Variants in CRACDL observed in about 807,000 individuals in gnomAD.
CRACDL encodes the protein CRACD-like protein.
A neutral mutation model predicts 70.6 loss-of-function variants in CRACDL; 26 were observed. The ratio of observed to expected loss-of-function variants is 0.37; its 90% CI spans 0.27 to 0.51. The LOEUF is 0.51. Ranked by LOEUF, CRACDL falls within the 20% of genes least tolerant of loss-of-function variation. The pLI, the probability that CRACDL is intolerant of heterozygous loss-of-function variation, is 0.94. For missense variants in CRACDL, 1,283 were observed against 1,376.9 expected, an observed-to-expected ratio of 0.93 and a Z score of 1.08; for synonymous variants, 618 against 615.2, an observed-to-expected ratio of 1.00 and a Z score of -0.07.
chr2:98,832,616 G>A (rs1359609535), intron 4 of CRACDL, 104 bp from the exon 5 acceptor site: 2 of 1,170,280 alleles, frequency 1.7e-6, no homozygotes, highest in Non-Finnish European at 2.5e-6. Context: ...TCAGTATCTT[G>A]GTGTGGTGCA....
chr2:98,849,700 C>G (rs1706404571), intron 1 of CRACDL, among the ~76,000 whole-genome samples: 1 of 151,826 alleles, frequency 6.6e-6, no homozygotes, highest in South Asian at 2.1e-4. Context: ...TGGACTCACA[C>G]AAGGAGGCAA....
chr2:98,795,077 A>ATATATATATATATATTTT, intron 9 of CRACDL, among the ~76,000 whole-genome samples: 9 of 58,476 alleles, frequency 1.5e-4, no homozygotes, highest in African/African-American at 6.0e-4. Context: ...ATATATATAT[A>ATATATATATATATATTTT]TTTTTTTTTT....
At chr2:98,831,431 G>A (rs1046748183) in intron 5 of CRACDL, among the ~76,000 whole-genome samples, 3 of 152,196 alleles carry the variant, frequency 2.0e-5, no homozygotes, top group African/African-American at 2.4e-5. Context: ...GAGTCGCAAC[G>A]AAGCTCCCCC....
intron 1 of CRACDL, among the ~76,000 whole-genome samples, chr2:98,934,077 C>T (rs1284299164): frequency 6.6e-6 from 1 of 152,148 alleles, no homozygotes; most frequent in African/African-American, 2.4e-5. Context: ...TTAATACCAT[C>T]ACCTTGAGGA....
chr2:98,809,364 T>C (rs1360625107), intron 7 of CRACDL, among the ~76,000 whole-genome samples: 3 of 152,004 alleles, frequency 2.0e-5, no homozygotes, highest in African/African-American at 7.2e-5. Context: ...CTTGTCCTCT[T>C]GGCTGGCTCC....
intron 1 of CRACDL, among the ~76,000 whole-genome samples, chr2:98,860,018 C>T (rs746638370): frequency 4.2e-4 from 64 of 151,976 alleles, no homozygotes; most frequent in Middle Eastern, 6.8e-3. Flanking sequence ...AATGAACAAT[C>T]CACAGACAAA....
chr2:98,838,046 C>T, intron 3 of CRACDL, 73 bp downstream of exon 3: 1 of 1,342,712 alleles, frequency 7.4e-7, no homozygotes, highest in Non-Finnish European at 1.0e-6. Flanking sequence ...GCTCAGAAAT[C>T]CAGCAAGTTA....
At chr2:98,794,774 T>A (rs1703728673) in intron 9 of CRACDL, 103 bp from the exon 10 acceptor site, 1 of 911,516 alleles carries the variant, frequency 1.1e-6, no homozygotes, top group Non-Finnish European at 1.7e-6. Flanking sequence ...GTCTTAACTG[T>A]GTTCTCGAAC....
At chr2:98,816,474 G>A (rs1704788529) in intron 7 of CRACDL, among the ~76,000 whole-genome samples, 1 of 152,196 alleles carries the variant, frequency 6.6e-6, no homozygotes, top group Non-Finnish European at 1.5e-5. Context: ...GGAGTACTGA[G>A]AAGGAAAGAG....
rs1192825441 is a variant in CRACDL, at chr2:98,919,287, T to C, written c.-11+16651A>G. Among the ~76,000 whole-genome samples the C allele has an allele frequency of 5.3e-5, 8 of 152,232 alleles. No individual in the cohort carries two copies. In the South Asian group the frequency reaches 1.4e-3, roughly 28 times the overall value. On this transcript the variant is annotated intron_variant, in intron 1 of 9. Coordinates refer to ENST00000397899, the MANE Select transcript of CRACDL (RefSeq NM_207362.3). Reference sequence around the variant, plus strand: ...ATGTCTCTGGCTTTGTTCTTTTTGCTTAAGACTGCCTTGGCTCTTCGGATT... The same window carrying C: ...ATGTCTCTGGCTTTGTTCTTTTTGCCTAAGACTGCCTTGGCTCTTCGGATT...
chr2:98,829,837 G>A lies in CRACDL; in HGVS notation c.540+2511C>T, dbSNP rs565279817. Among the ~76,000 whole-genome samples, 33 of 152,246 alleles carry A rather than the reference G, an allele frequency of 2.2e-4. No homozygotes were observed. The South Asian group carries it at 6.8e-3, about 32-fold the overall frequency. On this transcript the variant is annotated intron_variant, in intron 5 of 9. Coordinates refer to ENST00000397899, the MANE Select transcript of CRACDL (RefSeq NM_207362.3). ...AGGACCACTGGACAGGAAGCAGGGGGGCCTGGCTGTTCGAGGGGTGAAAAG... is the reference window on the plus strand; with the variant it reads ...AGGACCACTGGACAGGAAGCAGGGGAGCCTGGCTGTTCGAGGGGTGAAAAG...
intron 1 of CRACDL, among the ~76,000 whole-genome samples, chr2:98,896,521 C>T (rs1708129353): frequency 6.6e-6 from 1 of 152,206 alleles, no homozygotes; most frequent in African/African-American, 2.4e-5. Flanking sequence ...GAGCTGCAAA[C>T]TCCACAATCT....
At chr2:98,813,385 T>C (rs977133217) in intron 7 of CRACDL, among the ~76,000 whole-genome samples, 1 of 152,194 alleles carries the variant, frequency 6.6e-6, no homozygotes, top group South Asian at 2.1e-4. Flanking sequence ...TGAGCCAAGA[T>C]TGAGCCATTG....
chr2:98,865,648 G>C (rs1040369320), intron 1 of CRACDL, among the ~76,000 whole-genome samples: 1 of 152,060 alleles, frequency 6.6e-6, no homozygotes, highest in Non-Finnish European at 1.5e-5. Context: ...AGAAATCTCT[G>C]TTCAAAAATT....
chr2:98,849,029 C>G (rs146300831), intron 1 of CRACDL, among the ~76,000 whole-genome samples: 1 of 152,214 alleles, frequency 6.6e-6, no homozygotes, highest in Non-Finnish European at 1.5e-5. Context: ...ATGAGACCCA[C>G]GTGGTTCCCA....
At chr2:98,828,230 G>A (rs1386235061) in intron 5 of CRACDL, among the ~76,000 whole-genome samples, 2 of 152,224 alleles carry the variant, frequency 1.3e-5, no homozygotes, top group East Asian at 3.8e-4. Context: ...CGGAGCGCCT[G>A]TGAGCACATG....
chr2:98,823,771 GCTC>G lies in CRACDL; in HGVS notation c.736-237_736-235del, dbSNP rs1415008624. Among the ~76,000 whole-genome samples the G allele has an allele frequency of 6.6e-6, 1 of 152,226 alleles. No individual in the cohort carries two copies. Among genetic ancestry groups the G allele is most frequent in the African/African-American group, 2.4e-5 (1 of 41,460 alleles). ...TATGCCTCCAAAGTAAATGTCTACAGCTCCTCTGGCAGAGCCTCAAAACCAGTG... is the reference window on the plus strand; with the variant it reads ...TATGCCTCCAAAGTAAATGTCTACAGCTCTGGCAGAGCCTCAAAACCAGTG... On this transcript the variant is annotated intron_variant, in intron 6 of 9. Coordinates refer to ENST00000397899, the MANE Select transcript of CRACDL (RefSeq NM_207362.3). This position sits in a 1 kb window ranked among gnomAD's most constrained non-coding sequence, Gnocchi z 4.0.
intron 7 of CRACDL, among the ~76,000 whole-genome samples, chr2:98,800,023 A>G (rs756209183): frequency 1.3e-5 from 2 of 152,042 alleles, no homozygotes; most frequent in African/African-American, 2.4e-5. Context: ...TGAAATTACT[A>G]ATACTTCTTA....
intron 1 of CRACDL, among the ~76,000 whole-genome samples, chr2:98,906,493 C>T (rs1708418304): frequency 6.6e-6 from 1 of 152,170 alleles, no homozygotes; most frequent in Admixed American, 6.5e-5. Context: ...AACTCCTGAC[C>T]TCAGGTGATC....
Sources: gnomAD v4.1 joint callset for allele counts (sites outside exome capture counted in the v4.1 genomes callset) on GRCh38, gnomAD v4.1.1 for gene constraint, Gnocchi (gnomAD v3.1) non-coding constraint, MANE v1.5 for transcripts, NCBI Gene and HGNC (gene_info 2026-07-23, HGNC 2026-07-21) for gene names.